The following RASGRP3 variants were observed in gnomAD, a reference collection of about 807,000 sequenced individuals.
RASGRP3 encodes the protein RAS guanyl releasing protein 3, also known as ras guanyl-releasing protein 3.
RASGRP3 carries 54 observed loss-of-function variants against 82.7 expected under a neutral mutation model. The observed-to-expected ratio is 0.65, with a 90% CI of 0.52 to 0.82. The LOEUF is 0.82. Ranked by LOEUF, RASGRP3 falls within the 40% of genes least tolerant of loss-of-function variation. RASGRP3 has a pLI of 0.00. For synonymous variants in RASGRP3, 309 were observed against 300.5 expected (o/e 1.03, Z -0.29); for missense variants, 861 against 828.9 (o/e 1.04, Z -0.48).
intron 1 of RASGRP3, among the ~76,000 whole-genome samples, chr2:33,441,122 C>T (rs1665203382): frequency 6.6e-6 from 1 of 152,010 alleles, no homozygotes; most frequent in Non-Finnish European, 1.5e-5. Context: ...GAACTCCTGA[C>T]CTCAAATGAT....
intron 1 of RASGRP3, among the ~76,000 whole-genome samples, chr2:33,487,869 G>A (rs1297321291): frequency 6.6e-6 from 1 of 152,204 alleles, no homozygotes; most frequent in Non-Finnish European, 1.5e-5. Context: ...AGAGGCTGAA[G>A]CAGGAGGATC....
chr2:33,547,037 G>A (rs955078881), intron 13 of RASGRP3, among the ~76,000 whole-genome samples: 2 of 129,216 alleles, frequency 1.5e-5, no homozygotes, highest in South Asian at 5.0e-4. Flanking sequence ...TAACAAGAGC[G>A]AATCTCTGTC....
In RASGRP3 at chr2:33,486,573, T is replaced by C. The variant is rs186690654; in HGVS notation, c.-261+9866T>C. On this transcript the variant is annotated intron_variant, in intron 1 of 17. Coordinates refer to ENST00000403687, the MANE Select transcript of RASGRP3 (RefSeq NM_001139488.2). ...TACTGTTTAGTTAAATAGACCAATA[T>C]TTTTAAAAGGTTACAATAATCATCT... Among the ~76,000 whole-genome samples the C allele has an allele frequency of 9.2e-5, 14 of 152,324 alleles. No individual in the cohort carries two copies. In the East Asian group the frequency reaches 2.7e-3, roughly 29 times the overall value.
chr2:33,517,749 T>G (rs1231287588), intron 4 of RASGRP3, among the ~76,000 whole-genome samples: 1 of 152,292 alleles, frequency 6.6e-6, no homozygotes, highest in Middle Eastern at 3.4e-3. Context: ...CCTGACAACC[T>G]AGACATTGTC....
intron 4 of RASGRP3, among the ~76,000 whole-genome samples, chr2:33,518,873 G>A (rs1671718033): frequency 9.2e-6 from 1 of 108,262 alleles, no homozygotes; most frequent in Non-Finnish European, 2.4e-5. Context: ...TAACAGGCAT[G>A]GAGCTGGTCA....
chr2:33,527,159 T>C lies in RASGRP3; in HGVS notation c.830T>C (p.Leu277Ser), dbSNP rs1434159061. The C allele has an allele frequency of 6.2e-7, 1 of 1,614,060 alleles. No individual in the cohort carries two copies. Among genetic ancestry groups the C allele is most frequent in the Admixed American group, 1.7e-5 (1 of 60,028 alleles). Residue 277 changes from leucine to serine, a missense_variant, in exon 10 of 18, where the codon TTG (leucine) becomes TCG (serine). By Grantham distance (145) the Leu-to-Ser change is moderately radical. Transcript: ENST00000403687. ...CAGAACTGGAATGAAATGACAGAGTTGGTCTCCTCCAACGGCAATTACTGC... is the reference window on the plus strand; with the variant it reads ...CAGAACTGGAATGAAATGACAGAGTCGGTCTCCTCCAACGGCAATTACTGC... ...VTKNWNEMTE[L>S]VSSNGNYCNY...
chr2:33,462,419 G>GTCA (rs1666426420), intron 2 of RASGRP3, among the ~76,000 whole-genome samples: 1 of 144,190 alleles, frequency 6.9e-6, no homozygotes, highest in Non-Finnish European at 1.5e-5. Flanking sequence ...TCGCTCTGTT[G>GTCA]GCCAGGCTGG....
At chr2:33,519,282 T>C (rs1033711897) in intron 4 of RASGRP3, among the ~76,000 whole-genome samples, 18 of 152,204 alleles carry the variant, frequency 1.2e-4, no homozygotes, top group African/African-American at 4.3e-4. Flanking sequence ...TGCATAACTG[T>C]ATAAGGCATT....
At position 33,514,390 on chromosome 2, in the gene RASGRP3, C is replaced by T. The variant is rs975954741; in HGVS notation, c.-127-620C>T. ...ACTTAAGAACATGAGGAAAGGTGGC[C>T]GGGCACAGTGGCTCACACCTGTAGT... On this transcript the variant is annotated intron_variant, in intron 2 of 17. Transcript: ENST00000403687. Among the ~76,000 whole-genome samples the T allele has an allele frequency of 1.1e-4, 16 of 148,038 alleles. No homozygotes were observed. In the East Asian group the frequency reaches 2.0e-3, roughly 19 times the overall value.
At chr2:33,515,574 A>G (rs1379295227) in intron 3 of RASGRP3, among the ~76,000 whole-genome samples, 3 of 152,116 alleles carry the variant, frequency 2.0e-5, no homozygotes, top group Non-Finnish European at 4.4e-5. Flanking sequence ...CCCCCATCCC[A>G]TATCCCATTG....
At position 33,517,925 on chromosome 2, in the gene RASGRP3, C is replaced by T. The variant is rs561249825; in HGVS notation, c.173+1281C>T. Among the ~76,000 whole-genome samples, 11 of 152,260 alleles carry T rather than the reference C, an allele frequency of 7.2e-5. No homozygotes were observed. In the East Asian group the frequency reaches 1.3e-3, roughly 19 times the overall value. On this transcript the variant is annotated intron_variant, in intron 4 of 17. Coordinates refer to ENST00000403687, the MANE Select transcript of RASGRP3 (RefSeq NM_001139488.2). ...CTTTCCTCCCTTTGGATTCCTTGCT[C>T]ATGCTATATCCACAGTGCCTGGCAT...
intron 14 of RASGRP3, among the ~76,000 whole-genome samples, chr2:33,551,122 G>A (rs1172145219): frequency 6.6e-6 from 1 of 152,118 alleles, no homozygotes; most frequent in Non-Finnish European, 1.5e-5. Context: ...AGACCAACCT[G>A]GCCAACATGG....
chr2:33,475,849 G>C (rs770229667), upstream of RASGRP3, among the ~76,000 whole-genome samples: 6 of 152,206 alleles, frequency 3.9e-5, no homozygotes, highest in Non-Finnish European at 8.8e-5. Flanking sequence ...GGGCAGTAGT[G>C]CGTCTGTAAA....
chr2:33,440,407 A>T (rs191190350), intron 1 of RASGRP3, among the ~76,000 whole-genome samples: 47 of 152,348 alleles, frequency 3.1e-4, no homozygotes, highest in Admixed American at 2.2e-3. Context: ...TGAGAGGCAG[A>T]TGGAAAATGG....
chr2:33,532,343 C>G (rs1673175378), intron 10 of RASGRP3: 1 of 152,184 alleles, frequency 6.6e-6, no homozygotes, highest in Non-Finnish European at 1.5e-5. Context: ...ATGTTCATCA[C>G]AAACCGCACC....
chr2:33,472,523 A>C (rs556271511), upstream of RASGRP3, among the ~76,000 whole-genome samples: 17 of 152,310 alleles, frequency 1.1e-4, no homozygotes, highest in South Asian at 3.3e-3. Flanking sequence ...GTAAGAGTGC[A>C]AGATGAGAAG....
chr2:33,490,240 A>C (rs1328489646), intron 1 of RASGRP3, among the ~76,000 whole-genome samples: 1 of 152,148 alleles, frequency 6.6e-6, no homozygotes, highest in East Asian at 1.9e-4. Context: ...CTCATCTTTT[A>C]AAAATATCCT....
intron 1 of RASGRP3, among the ~76,000 whole-genome samples, chr2:33,445,738 A>C (rs1455191149): frequency 6.6e-6 from 1 of 151,926 alleles, no homozygotes; most frequent in Non-Finnish European, 1.5e-5. Flanking sequence ...TAATTATATC[A>C]CATTAATATA....
At position 33,450,199 on chromosome 2, in the gene RASGRP3, A is replaced by G. The variant is rs140951850; in HGVS notation, c.-261+2256A>G. On this transcript the variant is annotated intron_variant, in intron 2 of 18. Coordinates refer to the RASGRP3 transcript ENST00000402538. ...ACATTACAAAAAGATCAAATCACCT[A>G]TTTAACATACTTATCACCTCATATA... 1.3e-3 allele frequency among the ~76,000 whole-genome samples: 198 copies of G among 152,344 alleles called. 2 individuals carry two copies. Among genetic ancestry groups the G allele is most frequent in the African/African-American group, 4.5e-3 (189 of 41,596 alleles).
Sources: allele counts gnomAD v4.1 joint callset (sites outside exome capture counted in the v4.1 genomes callset), GRCh38; gene constraint gnomAD v4.1.1; transcripts MANE v1.5; gene names NCBI Gene and HGNC (gene_info 2026-07-23, HGNC 2026-07-21).